SMIM27: variants seen among roughly 807,000 people sequenced by gnomAD.
SMIM27 encodes the protein TOPORS antisense RNA 1 (non-protein coding).
A neutral mutation model predicts 1.8 loss-of-function variants in SMIM27; 3 were observed. That is an observed-to-expected ratio of 1.65 (90% CI 0.75 to 4.28). SMIM27 has a LOEUF of 4.28. Ranked by LOEUF, SMIM27 falls within the 30% of genes most tolerant of loss-of-function variation. The pLI is 0.02. For synonymous variants in SMIM27, 19 were observed against 13.9 expected, an observed-to-expected ratio of 1.37 and a Z score of -0.82; for missense variants, 63 against 37.0, an observed-to-expected ratio of 1.70 and a Z score of -1.83.
At chr9:32,559,927 A>C (rs1443835196) in intron 1 of SMIM27, among the ~76,000 whole-genome samples, 1 of 152,228 alleles carries the variant, frequency 6.6e-6, no homozygotes, top group Non-Finnish European at 1.5e-5. Flanking sequence ...TAATTGTTGA[A>C]TACATGTACT....
intron 1 of SMIM27, among the ~76,000 whole-genome samples, chr9:32,562,787 A>G (rs1437647674): frequency 2.0e-5 from 3 of 152,216 alleles, no homozygotes; most frequent in Non-Finnish European, 4.4e-5. Flanking sequence ...AATTGTCTCA[A>G]TAATTGTTTG....
In SMIM27 at chr9:32,563,491, C is replaced by CTTTTTTTTTTTTTTTTTTTTTTTT. The variant is rs111646430; in HGVS notation, c.46-2887_46-2886insTTTTTTTTTTTTTTTTTTTTTTTT. ...CTCCTGAACAGGTGGGACTATTGGG[C>CTTTTTTTTTTTTTTTTTTTTTTTT]TTTTTTTTTTTTTGGAGGGATGGGG... On this transcript the variant is annotated intron_variant, in intron 1 of 1. Coordinates refer to the SMIM27 transcript ENST00000451672. Among the ~76,000 whole-genome samples, 35 of 91,994 alleles carry CTTTTTTTTTTTTTTTTTTTTTTTT rather than the reference C, an allele frequency of 3.8e-4. 5 individuals carry two copies. Among genetic ancestry groups the CTTTTTTTTTTTTTTTTTTTTTTTT allele is most frequent in the African/African-American group, 1.4e-3 (32 of 22,588 alleles). The allele number at this position is 91,994 out of a possible 152,430, so 60.4% of individuals were successfully genotyped here.
intron 1 of SMIM27, among the ~76,000 whole-genome samples, chr9:32,564,086 G>A (rs1311531207): frequency 6.6e-6 from 1 of 152,144 alleles, no homozygotes; most frequent in Non-Finnish European, 1.5e-5. Flanking sequence ...GAGTGGCAAT[G>A]TTTCCAGGTC....
downstream of SMIM27, among the ~76,000 whole-genome samples, chr9:32,557,175 T>C (rs1193471131): frequency 6.8e-6 from 1 of 146,470 alleles, no homozygotes; most frequent in Non-Finnish European, 1.5e-5. Flanking sequence ...TTTTTTTTTT[T>C]TTTTCCCGAG....
At chr9:32,560,093 GAA>G (rs1821584491) in intron 1 of SMIM27, among the ~76,000 whole-genome samples, 1 of 152,250 alleles carries the variant, frequency 6.6e-6, no homozygotes, top group South Asian at 2.1e-4. Flanking sequence ...AAAAGACACT[GAA>G]AAGTCATCTG....
chr9:32,563,144 G>C (rs1266137294), intron 1 of SMIM27, among the ~76,000 whole-genome samples: 2 of 152,094 alleles, frequency 1.3e-5, no homozygotes, highest in Non-Finnish European at 2.9e-5. Flanking sequence ...GTAATGCTGT[G>C]TTCTTATTGC....
At chr9:32,551,151 C>T, upstream of SMIM27, 1 of 721,580 alleles carries the variant, frequency 1.4e-6, no homozygotes, top group Non-Finnish European at 2.4e-6. Context: ...TCCCCCGCCG[C>T]TCCAGACCCC....
intron 1 of SMIM27, among the ~76,000 whole-genome samples, chr9:32,563,176 TCA>T (rs1227716448): frequency 2.0e-5 from 3 of 152,216 alleles, no homozygotes; most frequent in East Asian, 1.9e-4. Context: ...TAACATAATT[TCA>T]GTTTGCCCCA....
At chr9:32,562,978 GTTCT>G (rs1228690132) in intron 1 of SMIM27, among the ~76,000 whole-genome samples, 1 of 152,184 alleles carries the variant, frequency 6.6e-6, no homozygotes, top group East Asian at 1.9e-4. Flanking sequence ...TCTTAAAGCT[GTTCT>G]TTAACATTCA....
In SMIM27 at chr9:32,558,177, C is replaced by T. The variant is rs141807053; in HGVS notation, c.45+5698C>T. 4.9e-3 allele frequency among the ~76,000 whole-genome samples: 717 copies of T among 146,846 alleles called. 4 individuals are homozygous for T. Among genetic ancestry groups the T allele is most frequent in the African/African-American group, 0.017 (678 of 39,970 alleles). Reference sequence around the variant, plus strand: ...CCCAGGCTGGAGTGCAGTGGCGCAACCTCGGCTCACTGCAAGCTCCACCTC... The same window carrying T: ...CCCAGGCTGGAGTGCAGTGGCGCAATCTCGGCTCACTGCAAGCTCCACCTC... On this transcript the variant is annotated intron_variant, in intron 1 of 1. Coordinates refer to the SMIM27 transcript ENST00000451672.
chr9:32,553,630 CTT>C (rs759987093), downstream of SMIM27: 1 of 443,852 alleles, frequency 2.3e-6, no homozygotes, highest in East Asian at 4.4e-5. Flanking sequence ...TAACTAAATA[CTT>C]TTCCATACCG....
chr9:32,562,536 T>A (rs1436474380), intron 1 of SMIM27, among the ~76,000 whole-genome samples: 1 of 152,206 alleles, frequency 6.6e-6, no homozygotes, highest in African/African-American at 2.4e-5. Context: ...TGTTAGACAG[T>A]CCTTAACTTC....
chr9:32,566,614 G>A, exon 2 of SMIM27: 1 of 788,524 alleles, frequency 1.3e-6, no homozygotes, highest in Non-Finnish European at 2.3e-6. Context: ...AATTCCTCCT[G>A]AGCCTCTGCA....
chr9:32,561,622 C>A (rs191319923), intron 1 of SMIM27, among the ~76,000 whole-genome samples: 2 of 152,316 alleles, frequency 1.3e-5, no homozygotes, highest in Admixed American at 1.3e-4. Context: ...AGCCACCACA[C>A]CCAGTCTAAA....
intron 1 of SMIM27, among the ~76,000 whole-genome samples, chr9:32,565,241 C>T (rs181813474): frequency 5.9e-4 from 90 of 151,500 alleles, no homozygotes; most frequent in African/African-American, 2.0e-3. Context: ...CGCAGTGAGC[C>T]GAGATCGCGC....
chr9:32,553,910 G>A, downstream of SMIM27: 1 of 1,599,154 alleles, frequency 6.3e-7, no homozygotes, highest in Non-Finnish European at 8.6e-7. Context: ...TTTCATTGGT[G>A]GAATTACTTC....
intron 1 of SMIM27, among the ~76,000 whole-genome samples, chr9:32,565,815 T>C (rs1821767762): frequency 6.6e-6 from 1 of 151,996 alleles, no homozygotes; most frequent in South Asian, 2.1e-4. Context: ...CTACTAAAAA[T>C]ACAAAAATTA....
chr9:32,553,715 A>G, downstream of SMIM27: 1 of 578,350 alleles, frequency 1.7e-6, no homozygotes, highest in Non-Finnish European at 3.1e-6. Flanking sequence ...CTTTTTACTT[A>G]TTGTTAAATT....
At chr9:32,551,170 G>A (rs1377179366), upstream of SMIM27, 1 of 652,666 alleles carries the variant, frequency 1.5e-6, no homozygotes, top group Non-Finnish European at 2.7e-6. Flanking sequence ...CCGGAGGAGG[G>A]CAGCGCGACC....
Sources: allele counts gnomAD v4.1 joint callset (sites outside exome capture counted in the v4.1 genomes callset), GRCh38; gene constraint gnomAD v4.1.1; transcripts MANE v1.5; gene names NCBI Gene and HGNC (gene_info 2026-07-23, HGNC 2026-07-21).